CDH18: variants seen among roughly 807,000 people sequenced by gnomAD.
CDH18 encodes the protein cadherin-18.
In CDH18, 31 loss-of-function variants were observed where a neutral mutation model predicts 67.9. The ratio of observed to expected loss-of-function variants is 0.46; its 90% confidence interval spans 0.34 to 0.62. The LOEUF (loss-of-function observed/expected upper bound fraction) is 0.62, where lower values mean the gene tolerates loss of function less well. CDH18 is among the 20% of genes least tolerant of loss of function. CDH18 has a pLI of 0.01. For synonymous variants in CDH18, 362 were observed against 347.2 expected (o/e 1.04, Z -0.48); for missense variants, 890 against 975.5 (o/e 0.91, Z 1.17).
chr5:19,563,181 A>G (rs1739759523), intron 8 of CDH18, among the ~76,000 whole-genome samples: 1 of 152,034 alleles, frequency 6.6e-6, no homozygotes, highest in African/African-American at 2.4e-5. Flanking sequence ...GTTTGTTTTT[A>G]TTTTTTATTA....
intron 2 of CDH18, among the ~76,000 whole-genome samples, chr5:20,187,996 C>T (rs1580435093): frequency 6.6e-6 from 1 of 151,854 alleles, no homozygotes; most frequent in African/African-American, 2.4e-5. Flanking sequence ...AAGGATTAAT[C>T]TTCTGTGAAC....
intron 11 of CDH18, chr5:19,502,773 T>C: frequency 1.8e-6 from 1 of 550,812 alleles, no homozygotes; most frequent in Non-Finnish European, 3.2e-6. Flanking sequence ...TGTACATTTC[T>C]TGTTTAAAGA....
At position 20,017,985 on chromosome 5, in the gene CDH18, T is replaced by C. The variant is rs188830194; in HGVS notation, c.-517-25971A>G. ...GGATTCATTTAAAGGCAGGCATGCA[T>C]GAGAGAGATTGGGAGTATGAGAGAG... On this transcript the variant is annotated intron_variant, in intron 2 of 14. Coordinates refer to the CDH18 transcript ENST00000507958. Among the ~76,000 whole-genome samples, 272 of 152,238 alleles carry C rather than the reference T, an allele frequency of 1.8e-3. 3 individuals are homozygous for C. Among genetic ancestry groups the C allele is most frequent in the African/African-American group, 5.9e-3 (244 of 41,552 alleles).
intron 2 of CDH18, among the ~76,000 whole-genome samples, chr5:20,254,166 G>A (rs957768212): frequency 2.0e-5 from 3 of 152,172 alleles, no homozygotes; most frequent in African/African-American, 7.2e-5. Flanking sequence ...AGGCTAGAGT[G>A]CAGTGGTGCG....
intron 2 of CDH18, among the ~76,000 whole-genome samples, chr5:20,101,617 A>T (rs1208078891): frequency 4.6e-5 from 7 of 152,288 alleles, no homozygotes; most frequent in Middle Eastern, 6.8e-3. Context: ...GACAATCGTA[A>T]GTGTGGATTT....
chr5:19,889,895 T>G (rs1788605216), intron 2 of CDH18, among the ~76,000 whole-genome samples: 1 of 152,156 alleles, frequency 6.6e-6, no homozygotes, highest in South Asian at 2.1e-4. Flanking sequence ...CGATATCATA[T>G]AAATATGTAC....
At chr5:19,681,487 C>T (rs567567134) in intron 5 of CDH18, among the ~76,000 whole-genome samples, 12 of 152,088 alleles carry the variant, frequency 7.9e-5, no homozygotes, top group African/African-American at 2.9e-4. Context: ...AAACTACTTT[C>T]TTATATTGTG....
intron 4 of CDH18, among the ~76,000 whole-genome samples, chr5:19,723,471 G>A (rs78495343): frequency 0.026 from 3,887 of 152,160 alleles, 125 homozygotes; most frequent in African/African-American, 0.076. Flanking sequence ...GAGACTCTAA[G>A]AAGAAATATG....
At chr5:20,550,145 A>T (rs187046450) in intron 1 of CDH18, among the ~76,000 whole-genome samples, 2 of 152,336 alleles carry the variant, frequency 1.3e-5, no homozygotes, top group Non-Finnish European at 2.9e-5. Flanking sequence ...ATTGAACTAC[A>T]TACTACTGAG....
chr5:20,284,540 G>A (rs1002928465), intron 1 of CDH18, among the ~76,000 whole-genome samples: 4 of 151,752 alleles, frequency 2.6e-5, no homozygotes, highest in East Asian at 1.9e-4. Context: ...ATTGACATTT[G>A]ACTTAAGCAT....
intron 3 of CDH18, among the ~76,000 whole-genome samples, chr5:19,763,856 A>G (rs1446074139): frequency 6.6e-6 from 1 of 152,030 alleles, no homozygotes; most frequent in Admixed American, 6.6e-5. Context: ...AAGTAAAAAT[A>G]TAGCACATGA....
At chr5:19,747,758 GAA>G (rs35896977) in intron 3 of CDH18, among the ~76,000 whole-genome samples, 28 of 151,240 alleles carry the variant, frequency 1.9e-4, no homozygotes, top group African/African-American at 6.1e-4. Flanking sequence ...TTAATAATTT[GAA>G]AAAAAAATGA....
At chr5:19,674,418 A>C (rs1561010477) in intron 5 of CDH18, among the ~76,000 whole-genome samples, 1 of 152,060 alleles carries the variant, frequency 6.6e-6, no homozygotes, top group African/African-American at 2.4e-5. Context: ...ATTTTGTCTC[A>C]CTTTCTTTCT....
intron 2 of CDH18, among the ~76,000 whole-genome samples, chr5:20,213,148 A>G (rs1472863552): frequency 1.3e-5 from 2 of 152,164 alleles, no homozygotes; most frequent in Non-Finnish European, 2.9e-5. Context: ...CTTGGAGGCC[A>G]TTGTAGGGTT....
intron 5 of CDH18, among the ~76,000 whole-genome samples, chr5:19,691,585 A>C (rs952008616): frequency 6.6e-6 from 1 of 151,934 alleles, no homozygotes; most frequent in African/African-American, 2.4e-5. Context: ...GTTTCTAAAC[A>C]CTAATAATGA....
chr5:20,092,998 T>C (rs1215832756), intron 2 of CDH18, among the ~76,000 whole-genome samples: 2 of 152,190 alleles, frequency 1.3e-5, no homozygotes, highest in Non-Finnish European at 2.9e-5. Context: ...AAATATGTAC[T>C]TTTTATTTTG....
At chr5:19,535,479 C>T (rs773831523) in intron 9 of CDH18, among the ~76,000 whole-genome samples, 21 of 152,032 alleles carry the variant, frequency 1.4e-4, no homozygotes, top group Non-Finnish European at 2.8e-4. Flanking sequence ...TCCGAGGTGA[C>T]GGGTTTTTAT....
At chr5:20,298,592 T>TA (rs567415061) in intron 1 of CDH18, among the ~76,000 whole-genome samples, 138 of 152,290 alleles carry the variant, frequency 9.1e-4, no homozygotes, top group Admixed American at 1.7e-3. Context: ...AAAATAGGGT[T>TA]AATATCCTTG....
At chr5:19,626,460 T>G (rs1389844633) in intron 5 of CDH18, among the ~76,000 whole-genome samples, 1 of 152,166 alleles carries the variant, frequency 6.6e-6, no homozygotes, top group Admixed American at 6.5e-5. Flanking sequence ...AGAGTGGCCT[T>G]GGATTCCTTT....
Sources: gnomAD v4.1 joint callset for allele counts (sites outside exome capture counted in the v4.1 genomes callset) on GRCh38, gnomAD v4.1.1 for gene constraint, MANE v1.5 for transcripts, NCBI Gene and HGNC (gene_info 2026-07-23, HGNC 2026-07-21) for gene names.